Variants in TMEM108 observed in about 807,000 individuals in gnomAD.
TMEM108 encodes the protein transmembrane protein 108, also known as cancer/testis antigen 124.
Under a neutral mutation model 35.1 loss-of-function variants are expected in TMEM108, and 12 were observed. That is an observed-to-expected ratio of 0.34 (90% CI 0.22 to 0.55). The LOEUF (loss-of-function observed/expected upper bound fraction) is 0.55. TMEM108 is among the 20% of genes least tolerant of loss of function. TMEM108 has a pLI of 0.89. For missense variants in TMEM108, 680 were observed against 753.3 expected, an observed-to-expected ratio of 0.90 and a Z score of 1.14; for synonymous variants, 287 against 308.6, an observed-to-expected ratio of 0.93 and a Z score of 0.73.
chr3:133,353,258 T>C (rs182309440), intron 3 of TMEM108, among the ~76,000 whole-genome samples: 1 of 152,102 alleles, frequency 6.6e-6, no homozygotes, highest in Non-Finnish European at 1.5e-5. Context: ...GTATTAATAA[T>C]GCCACCCTTA....
chr3:133,187,113 T>C (rs1043379961), intron 2 of TMEM108, among the ~76,000 whole-genome samples: 2 of 152,234 alleles, frequency 1.3e-5, no homozygotes, highest in African/African-American at 4.8e-5. Flanking sequence ...CATGCTTATG[T>C]GTGTCCTCCA....
At position 133,178,076 on chromosome 3, in the gene TMEM108, G is replaced by A. The variant is rs558302737; in HGVS notation, c.-46-51190G>A. ...CTCCCATTCACAATTGCTTCAAAGG[G>A]AATAAAATACCTAGGAATCCACCTT... On this transcript the variant is annotated intron_variant, in intron 2 of 5. Transcript: ENST00000321871. Among the ~76,000 whole-genome samples, 8 of 152,186 alleles carry A rather than the reference G, an allele frequency of 5.3e-5. No individual in the cohort carries two copies. In the South Asian group the frequency reaches 1.5e-3, roughly 28 times the overall value.
rs533060758 is a variant in TMEM108 at position 133,279,012 on chromosome 3, C to T, written c.40+49661C>T. Among the ~76,000 whole-genome samples, 26 of 152,290 alleles carry T rather than the reference C, an allele frequency of 1.7e-4. No homozygotes were observed. The South Asian group carries it at 4.8e-3, about 28-fold the overall frequency. On this transcript the variant is annotated intron_variant, in intron 3 of 5. Coordinates refer to ENST00000321871, the MANE Select transcript of TMEM108 (RefSeq NM_023943.4). ...ACCCTTGAGTTGATTCTTGAGGTGG[C>T]GCCTTTAAAGAGGCCTAAGGGGGCT...
intron 3 of TMEM108, among the ~76,000 whole-genome samples, chr3:133,356,705 A>G (rs1000412117): frequency 1.3e-5 from 2 of 152,196 alleles, no homozygotes; most frequent in Non-Finnish European, 2.9e-5. Context: ...ACCATGCAAA[A>G]ACATAAACTG....
intron 3 of TMEM108, among the ~76,000 whole-genome samples, chr3:133,338,429 T>C (rs555385140): frequency 1.3e-5 from 2 of 152,038 alleles, no homozygotes; most frequent in South Asian, 4.2e-4. Context: ...AGGAAAAAAC[T>C]TTTATCCTAG....
intron 2 of TMEM108, among the ~76,000 whole-genome samples, chr3:133,062,556 A>G (rs1407155015): frequency 6.6e-6 from 1 of 152,268 alleles, no homozygotes; most frequent in African/African-American, 2.4e-5. Context: ...GAAACATTCT[A>G]ACCCAGGACA....
intron 5 of TMEM108, among the ~76,000 whole-genome samples, chr3:133,393,301 T>G (rs143940512): frequency 0.013 from 1,912 of 152,340 alleles, 118 homozygotes; most frequent in Admixed American, 0.099. Context: ...TTCCTTACTT[T>G]ACTTGTCTTC....
At chr3:133,351,215 A>G (rs2107770024) in intron 3 of TMEM108, among the ~76,000 whole-genome samples, 1 of 152,278 alleles carries the variant, frequency 6.6e-6, no homozygotes, top group East Asian at 1.9e-4. Flanking sequence ...CTTGGTTTTC[A>G]GGTTTTCAGC....
intron 2 of TMEM108, among the ~76,000 whole-genome samples, chr3:133,209,567 A>G (rs543672669): frequency 6.3e-4 from 96 of 151,836 alleles, no homozygotes; most frequent in Non-Finnish European, 1.3e-3. Context: ...GGCACTCAGT[A>G]TTTTCCAAAA....
At chr3:133,129,398 G>A (rs563795522) in intron 2 of TMEM108, among the ~76,000 whole-genome samples, 2 of 149,800 alleles carry the variant, frequency 1.3e-5, no homozygotes, top group East Asian at 2.0e-4. Context: ...GTTCTTTGCT[G>A]GTGAAAATGC....
intron 2 of TMEM108, among the ~76,000 whole-genome samples, chr3:133,053,008 C>T (rs372655140): frequency 6.6e-6 from 1 of 152,038 alleles, no homozygotes; most frequent in Non-Finnish European, 1.5e-5. Context: ...GATGCAGGTG[C>T]TCTGAGTGTC....
intron 3 of TMEM108, among the ~76,000 whole-genome samples, chr3:133,350,126 C>A (rs750244555): frequency 1.3e-5 from 2 of 152,210 alleles, no homozygotes; most frequent in Non-Finnish European, 2.9e-5. Flanking sequence ...TTTGCAACAA[C>A]ATGGATCAGC....
chr3:133,272,578 T>G (rs970355244), intron 3 of TMEM108, among the ~76,000 whole-genome samples: 2 of 152,122 alleles, frequency 1.3e-5, no homozygotes, highest in East Asian at 3.9e-4. Flanking sequence ...ATTTTTATGG[T>G]ACCTTGCAGG....
chr3:133,091,557 A>T (rs1483401887), intron 2 of TMEM108, among the ~76,000 whole-genome samples: 1 of 152,208 alleles, frequency 6.6e-6, no homozygotes, highest in Non-Finnish European at 1.5e-5. Flanking sequence ...AATTTTTCTT[A>T]TCAGGAATTT....
At chr3:133,164,123 A>ATAAT (rs1945000948) in intron 2 of TMEM108, among the ~76,000 whole-genome samples, 1 of 152,214 alleles carries the variant, frequency 6.6e-6, no homozygotes, top group Non-Finnish European at 1.5e-5. Context: ...AATTTATAGA[A>ATAAT]TAGTTGTCAC....
intron 3 of TMEM108, among the ~76,000 whole-genome samples, chr3:133,355,319 C>T (rs75439901): frequency 0.044 from 6,692 of 152,122 alleles, 191 homozygotes; most frequent in Non-Finnish European, 0.064. Flanking sequence ...TCCTGTTTAT[C>T]TTAATATCTC....
At chr3:133,175,185 C>G (rs576315497) in intron 2 of TMEM108, among the ~76,000 whole-genome samples, 1 of 152,148 alleles carries the variant, frequency 6.6e-6, no homozygotes, top group South Asian at 2.1e-4. Flanking sequence ...GTGAACAGAC[C>G]AAATTTACGT....
chr3:133,040,206 G>GTTTTTTTTTT (rs375124979), intron 1 of TMEM108, among the ~76,000 whole-genome samples: 1 of 129,930 alleles, frequency 7.7e-6, no homozygotes. Context: ...TTGTTTGTTT[G>GTTTTTTTTTT]TTTTTTTTTT....
At chr3:133,053,010 C>T (rs1339456559) in intron 2 of TMEM108, among the ~76,000 whole-genome samples, 2 of 152,190 alleles carry the variant, frequency 1.3e-5, no homozygotes, top group East Asian at 3.9e-4. Context: ...TGCAGGTGCT[C>T]TGAGTGTCTG....
Sources: allele counts gnomAD v4.1 joint callset (sites outside exome capture counted in the v4.1 genomes callset), GRCh38; gene constraint gnomAD v4.1.1; transcripts MANE v1.5; gene names NCBI Gene and HGNC (gene_info 2026-07-23, HGNC 2026-07-21).